The following ZBED4 variants were observed in gnomAD, a reference collection of about 807,000 sequenced individuals.
The protein encoded by ZBED4 is zinc finger BED domain-containing protein 4.
Under a neutral mutation model 15.5 loss-of-function variants are expected in ZBED4, and 4 were observed. The ratio of observed to expected loss-of-function variants is 0.26; its 90% CI spans 0.13 to 0.59. ZBED4 has a LOEUF of 0.59. ZBED4 is among the 20% of genes least tolerant of loss of function. The probability of loss-of-function intolerance (pLI) is 0.90; values close to 1 mark genes in which losing one functional copy is unlikely to be tolerated. For synonymous variants in ZBED4, 692 were observed against 608.5 expected (o/e 1.14, Z -2.02); for missense variants, 1,323 against 1,461.8 (o/e 0.91, Z 1.55).
In ZBED4 at chr22:49,879,014, G is replaced by A. The variant is rs1053023594; in HGVS notation, c.-329-4320G>A. On this transcript the variant is annotated intron_variant, in intron 1 of 1. Coordinates refer to ENST00000216268, the MANE Select transcript of ZBED4 (RefSeq NM_014838.3). ...AAAAAAATTAGCCGGGTGTGGTGGCGCGTGCCTGTAGTCCCAGTTACTCAG... is the reference window on the plus strand; with the variant it reads ...AAAAAAATTAGCCGGGTGTGGTGGCACGTGCCTGTAGTCCCAGTTACTCAG... 2.5e-4 allele frequency among the ~76,000 whole-genome samples: 38 copies of A among 151,298 alleles called. 2 individuals are homozygous for A. The highest frequency in any genetic ancestry group is 1.9e-3 in the South Asian group (9 of 4,756).
At position 49,883,691 on chromosome 22, in the gene ZBED4, A is replaced by G. The variant is rs772032367; in HGVS notation, c.29A>G (p.Lys10Arg). 4 of 1,595,328 alleles carry G rather than the reference A, an allele frequency of 2.5e-6. No homozygotes were observed. The highest frequency in any genetic ancestry group is 2.7e-5 in the African/African-American group (2 of 74,394). The part of the protein sequence containing the change: MENNLKTCP[K>R]EDGDFVSDKI... Reference sequence around the variant, plus strand: ...GAGAATAACTTGAAAACTTGTCCCAAAGAGGACGGTGATTTCGTTTCTGAT... The same window carrying G: ...GAGAATAACTTGAAAACTTGTCCCAGAGAGGACGGTGATTTCGTTTCTGAT... The change falls in exon 2 of 2, where the codon AAA becomes AGA. Residue 10 changes from lysine to arginine, a missense_variant. This residue lies in a region of ZBED4 where 380 missense variants were observed against 413.7 expected (regional missense o/e 0.92). Coordinates refer to ENST00000216268, the MANE Select transcript of ZBED4 (RefSeq NM_014838.3).
intron 1 of ZBED4, among the ~76,000 whole-genome samples, chr22:49,869,256 G>A (rs893606463): frequency 1.3e-5 from 2 of 152,190 alleles, no homozygotes; most frequent in African/African-American, 4.8e-5. Context: ...GCATGTTGGT[G>A]TGTGTGTTTA....
chr22:49,877,607 A>C (rs958578396), intron 1 of ZBED4, among the ~76,000 whole-genome samples: 3 of 152,060 alleles, frequency 2.0e-5, no homozygotes, highest in African/African-American at 4.8e-5. Context: ...AAACAGCTTT[A>C]TTTGGGTATA....
chr22:49,858,984 G>A (rs979297119), intron 1 of ZBED4, among the ~76,000 whole-genome samples: 1 of 152,078 alleles, frequency 6.6e-6, no homozygotes, highest in African/African-American at 2.4e-5. Context: ...CCATGAGGAC[G>A]GATGCGACTT....
At chr22:49,866,795 G>A (rs899636531) in intron 1 of ZBED4, among the ~76,000 whole-genome samples, 2 of 152,110 alleles carry the variant, frequency 1.3e-5, no homozygotes, top group African/African-American at 4.8e-5. Flanking sequence ...ACCACAAACC[G>A]AGTGGCTTCA....
At chr22:49,865,061 C>T (rs73441772) in intron 1 of ZBED4, among the ~76,000 whole-genome samples, 12,430 of 151,356 alleles carry the variant, frequency 0.082, 602 homozygotes, top group South Asian at 0.18. Flanking sequence ...TCACTAAGGG[C>T]AGGGGTGTGT....
At position 49,884,361 on chromosome 22, in the gene ZBED4, A is replaced by G; in HGVS notation, c.699A>G (p.Glu233=). Residue 233 remains glutamate, a synonymous_variant, in exon 2 of 2, where the codon GAA becomes GAG. Coordinates refer to ENST00000216268, the MANE Select transcript of ZBED4 (RefSeq NM_014838.3). ...AGTCTGTGTCTGTAGTTTCTTCTGA[A>G]GAAATCTCCTCTGACATGTCCGTTT... is the stretch of plus-strand genomic sequence containing the variant. ...TEESVSVVSS[E]EISSDMSVSE... 6.2e-7 allele frequency: 1 copy of G among 1,613,160 alleles called. No homozygotes were observed. The highest frequency in any genetic ancestry group is 1.1e-5 in the South Asian group (1 of 91,012).
rs188301710 is a variant in ZBED4 at position 49,887,527 on chromosome 22, T to G, written c.*349T>G. On this transcript the variant is annotated 3_prime_UTR_variant, in exon 2 of 2. Transcript: ENST00000216268. ...TGTAAACCATTTTATTCTGTAGGCT[T>G]TTTACTCAATTATGTACAAACCACA... The G allele has an allele frequency of 4.9e-6, 1 of 203,978 alleles. No homozygotes were observed. The highest frequency in any genetic ancestry group is 5.3e-5 in the Admixed American group (1 of 18,950). The allele number at this position is 203,978 out of a possible 1,614,324, so 12.6% of individuals were successfully genotyped here.
At chr22:49,879,316 C>T (rs111307395) in intron 1 of ZBED4, among the ~76,000 whole-genome samples, 229 of 121,758 alleles carry the variant, frequency 1.9e-3, no homozygotes, top group Non-Finnish European at 3.0e-3. Context: ...TAGTAGAGAC[C>T]AGGTTTCGCC....
rs113598286 is a variant in ZBED4, at chr22:49,883,837, G to C, written c.175G>C (p.Ala59Pro). The C allele has an allele frequency of 3.0e-4, 484 of 1,611,416 alleles. 4 individuals are homozygous for C. The African/African-American group carries it at 4.6e-3, about 15-fold the overall frequency. Residue 59 changes from alanine to proline, a missense_variant, in exon 2 of 2, where the codon GCG (alanine) becomes CCG (proline). Ala to Pro is a conservative substitution (Grantham distance 27). This residue lies in a region of ZBED4 where 380 missense variants were observed against 413.7 expected (regional missense o/e 0.92). Coordinates refer to ENST00000216268, the MANE Select transcript of ZBED4 (RefSeq NM_014838.3). ...MKQTDSGGERAGLGGTGCSCK... is the reference protein window; with the variant it reads ...MKQTDSGGERPGLGGTGCSCK... ...GCAGACAGACAGCGGTGGGGAGCGA[G>C]CGGGCCTCGGTGGGACGGGTTGCAG...
Position 49,886,174 on chromosome 22 carries a change from G to A in ZBED4, c.2512G>A (p.Glu838Lys), listed in dbSNP as rs1296556660. 5 of 704,464 alleles carry A rather than the reference G, an allele frequency of 7.1e-6. No homozygotes were observed. The highest frequency in any genetic ancestry group is 2.3e-5 in the Admixed American group (1 of 44,392). The allele number at this position is 704,464 out of a possible 1,614,324, so 43.6% of individuals were successfully genotyped here. Residue 838 changes from glutamate (E) to lysine (K), a missense_variant, in exon 2 of 2, where the codon GAG becomes AAG. By Grantham distance (56) the Glu-to-Lys change is moderately conservative. Coordinates refer to ENST00000216268, the MANE Select transcript of ZBED4 (RefSeq NM_014838.3). This position sits in a 1 kb window ranked among gnomAD's most constrained non-coding sequence, Gnocchi z 7.7. ...FSHTVNLIVS[E>K]AIKSQRMVQN... ...CCATACGGTGAACCTGATCGTCAGCGAGGCCATTAAGAGCCAGCGGATGGT... is the reference window on the plus strand; with the variant it reads ...CCATACGGTGAACCTGATCGTCAGCAAGGCCATTAAGAGCCAGCGGATGGT...
chr22:49,871,235 C>A (rs745542471), intron 1 of ZBED4, among the ~76,000 whole-genome samples: 3 of 151,412 alleles, frequency 2.0e-5, no homozygotes, highest in Non-Finnish European at 4.4e-5. Context: ...AAAGTTAATT[C>A]ATCAGCACTT....
At chr22:49,862,294 G>A (rs928944865) in intron 1 of ZBED4, among the ~76,000 whole-genome samples, 66 of 152,154 alleles carry the variant, frequency 4.3e-4, no homozygotes, top group African/African-American at 1.5e-3. Context: ...TTTTTTGTGC[G>A]GCGGAGGCCT....
At chr22:49,865,699 A>G (rs2060319327) in intron 1 of ZBED4, among the ~76,000 whole-genome samples, 3 of 151,800 alleles carry the variant, frequency 2.0e-5, no homozygotes, top group South Asian at 4.2e-4. Flanking sequence ...TTGGGTCCTC[A>G]TGTTTCTGTT....
Position 49,885,876 on chromosome 22 carries a change from C to T in ZBED4, c.2214C>T (p.Asn738=), listed in dbSNP as rs1351757036. The change falls in exon 2 of 2, where the codon AAC becomes AAT. Residue 738 remains asparagine, a synonymous_variant. Coordinates refer to ENST00000216268, the MANE Select transcript of ZBED4 (RefSeq NM_014838.3). ...IHFTSGIWMS[N]QTREYLTLTA... is the part of the protein sequence containing the mutation. ...TCACGTCTGGAATATGGATGAGTAA[C>T]CAGACCCGTGAGTACCTGACCCTCA... 2 of 1,292,272 alleles carry T rather than the reference C, an allele frequency of 1.5e-6. No individual in the cohort carries two copies. The highest frequency in any genetic ancestry group is 2.2e-6 in the Non-Finnish European group (2 of 891,448). The allele number at this position is 1,292,272 out of a possible 1,614,324, so 80.1% of individuals were successfully genotyped here.
At position 49,883,601 on chromosome 22, in the gene ZBED4, A is replaced by G. The variant is rs1419223510; in HGVS notation, c.-62A>G. 6.8e-7 allele frequency: 1 copy of G among 1,466,904 alleles called. No homozygotes were observed. The highest frequency in any genetic ancestry group is 2.3e-5 in the Admixed American group (1 of 43,330). The allele number at this position is 1,466,904 out of a possible 1,614,324, so 90.9% of individuals were successfully genotyped here. On this transcript the variant is annotated 5_prime_UTR_variant, in exon 2 of 2. Transcript: ENST00000216268. ...AAGATAATCTACATTCGGGGGCACA[A>G]ATGAGCACTTGGATCAGTGTTTTAT... is the stretch of plus-strand genomic sequence containing the variant.
intron 1 of ZBED4, among the ~76,000 whole-genome samples, chr22:49,862,834 T>G (rs2060303678): frequency 6.6e-6 from 1 of 151,358 alleles, no homozygotes; most frequent in Admixed American, 6.6e-5. Context: ...CCTGAGTAAC[T>G]GGGATTACAG....
In ZBED4 at chr22:49,885,422, G is replaced by A; in HGVS notation, c.1760G>A (p.Ser587Asn). 1 of 1,608,822 alleles carries A rather than the reference G, an allele frequency of 6.2e-7. No individual in the cohort carries two copies. Among genetic ancestry groups the A allele is most frequent in the Non-Finnish European group, 8.5e-7 (1 of 1,175,554 alleles). ...VVCLHCGRTI[S>N]RGKKPTNLGT... ...TGCTTGCACTGTGGCCGGACCATCA[G>A]CCGGGGGAAGAAGCCGACTAACTTG... The change falls in exon 2 of 2, where the codon AGC becomes AAC. Residue 587 changes from serine to asparagine, a missense_variant. Physicochemically the swap from Ser to Asn is conservative, Grantham distance 46. This residue lies in a region of ZBED4 where 429 missense variants were observed against 397.9 expected (regional missense o/e 1.08). Transcript: ENST00000216268.
chr22:49,876,254 T>C (rs1299149504), intron 1 of ZBED4, among the ~76,000 whole-genome samples: 4 of 152,230 alleles, frequency 2.6e-5, no homozygotes, highest in Non-Finnish European at 1.5e-5. Context: ...TGTATTCCGT[T>C]GTTGTTGGAC....
Sources: allele counts gnomAD v4.1 joint callset (sites outside exome capture counted in the v4.1 genomes callset), GRCh38; gene constraint gnomAD v4.1.1; regional missense constraint gnomAD v4.1.1; non-coding constraint Gnocchi (gnomAD v3.1); transcripts MANE v1.5; gene names NCBI Gene and HGNC (gene_info 2026-07-23, HGNC 2026-07-21).